The following HMBOX1 variants were observed in gnomAD, a reference collection of about 807,000 sequenced individuals.
The protein encoded by HMBOX1 is homeobox containing 1, also known as homeobox-containing protein 1.
Under a neutral mutation model 54.5 loss-of-function variants are expected in HMBOX1, and 14 were observed. The ratio of observed to expected loss-of-function variants is 0.26; its 90% CI spans 0.17 to 0.40. The LOEUF (loss-of-function observed/expected upper bound fraction) is 0.40, where lower values mean the gene tolerates loss of function less well. Among genes scored for constraint, HMBOX1 ranks in the 10% least tolerant of loss-of-function variants. HMBOX1 has a pLI of 1.00. For synonymous variants in HMBOX1, 160 were observed against 181.0 expected, an observed-to-expected ratio of 0.88 and a Z score of 0.93; for missense variants, 332 against 514.4, an observed-to-expected ratio of 0.65 and a Z score of 3.43.
intron 1 of HMBOX1, among the ~76,000 whole-genome samples, chr8:28,918,056 C>T (rs1221586469): frequency 6.6e-6 from 1 of 152,138 alleles, no homozygotes; most frequent in Non-Finnish European, 1.5e-5. Flanking sequence ...CTGGAAGAGA[C>T]TGAGTAGGAT....
At chr8:28,952,499 G>A (rs1189225296) in intron 1 of HMBOX1, among the ~76,000 whole-genome samples, 1 of 152,180 alleles carries the variant, frequency 6.6e-6, no homozygotes, top group Non-Finnish European at 1.5e-5. Context: ...CTCCCAAAGT[G>A]CTGGGATTAC....
intron 1 of HMBOX1, among the ~76,000 whole-genome samples, chr8:28,933,546 A>C (rs1819863008): frequency 6.6e-6 from 1 of 152,338 alleles, no homozygotes; most frequent in South Asian, 2.1e-4. Flanking sequence ...AAATTGATAT[A>C]CCTCTAGGTA....
chr8:29,010,127 A>C, intron 5 of HMBOX1: 1 of 979,992 alleles, frequency 1.0e-6, no homozygotes, highest in East Asian at 1.1e-4. Flanking sequence ...GATGAAACAG[A>C]AAAGAACCTA....
At chr8:28,964,258 G>A (rs1019999169) in intron 2 of HMBOX1, among the ~76,000 whole-genome samples, 1 of 152,060 alleles carries the variant, frequency 6.6e-6, no homozygotes, top group African/African-American at 2.4e-5. Context: ...GTGACAAGCA[G>A]ACTACTGGAA....
chr8:28,962,707 A>C (rs1825815752), intron 1 of HMBOX1, among the ~76,000 whole-genome samples: 1 of 152,162 alleles, frequency 6.6e-6, no homozygotes, highest in East Asian at 1.9e-4. Flanking sequence ...TCTAATCCTC[A>C]AATAACAGCC....
chr8:29,038,528 A>G (rs1392316774), intron 6 of HMBOX1, among the ~76,000 whole-genome samples: 1 of 152,194 alleles, frequency 6.6e-6, no homozygotes, highest in Non-Finnish European at 1.5e-5. Context: ...TCCAATAGCC[A>G]AGTTCTCCTA....
intron 1 of HMBOX1, among the ~76,000 whole-genome samples, chr8:28,937,752 C>T (rs959689235): frequency 3.3e-5 from 5 of 152,038 alleles, no homozygotes; most frequent in African/African-American, 7.2e-5. Flanking sequence ...AAAATGTGAT[C>T]GATCATCAGA....
intron 6 of HMBOX1, among the ~76,000 whole-genome samples, chr8:29,036,486 T>A (rs1247783223): frequency 6.6e-6 from 1 of 152,058 alleles, no homozygotes; most frequent in African/African-American, 2.4e-5. Context: ...TCTCCTCTAC[T>A]CAGGAAAAAA....
At chr8:28,891,488 G>T (rs1322020794) in intron 1 of HMBOX1, 2 of 152,264 alleles carry the variant, frequency 1.3e-5, no homozygotes, top group Non-Finnish European at 2.9e-5. Context: ...CGAAACAGTA[G>T]GTAGAGGTAT....
intron 6 of HMBOX1, among the ~76,000 whole-genome samples, chr8:29,032,829 C>A (rs769297520): frequency 1.2e-3 from 180 of 152,206 alleles, no homozygotes; most frequent in Non-Finnish European, 2.1e-3. Flanking sequence ...CTCTTTCCCC[C>A]ACCGTACATG....
At chr8:28,933,981 A>G (rs2131935996) in intron 1 of HMBOX1, among the ~76,000 whole-genome samples, 1 of 152,360 alleles carries the variant, frequency 6.6e-6, no homozygotes, top group South Asian at 2.1e-4. Flanking sequence ...TGAGGCCAGC[A>G]TTACTAGAAT....
At chr8:28,972,269 G>A (rs183321700) in intron 3 of HMBOX1, among the ~76,000 whole-genome samples, 1 of 152,192 alleles carries the variant, frequency 6.6e-6, no homozygotes, top group Non-Finnish European at 1.5e-5. Flanking sequence ...ATGAAGTGCA[G>A]TGGTGCGATC....
At chr8:28,973,637 G>A (rs1827822140) in intron 3 of HMBOX1, among the ~76,000 whole-genome samples, 1 of 151,832 alleles carries the variant, frequency 6.6e-6, no homozygotes, top group African/African-American at 2.4e-5. Flanking sequence ...GTCTCTGGTG[G>A]GGGAGCCTGG....
chr8:28,929,862 CA>C (rs1819173896), intron 1 of HMBOX1, among the ~76,000 whole-genome samples: 1 of 152,130 alleles, frequency 6.6e-6, no homozygotes, highest in East Asian at 1.9e-4. Context: ...AATTCAGTAG[CA>C]TTTAGTGTGT....
chr8:29,023,794 G>T (rs1241694074), intron 6 of HMBOX1, among the ~76,000 whole-genome samples: 1 of 152,126 alleles, frequency 6.6e-6, no homozygotes, highest in Admixed American at 6.6e-5. Context: ...CTACCTAATA[G>T]TTTTAGAGCA....
At chr8:29,008,791 T>C (rs146399394) in intron 4 of HMBOX1, among the ~76,000 whole-genome samples, 6 of 152,358 alleles carry the variant, frequency 3.9e-5, no homozygotes, top group Admixed American at 6.5e-5. Context: ...AGGAATCTCT[T>C]TATCTCAGAT....
At chr8:28,961,278 A>G (rs1035128573) in intron 1 of HMBOX1, among the ~76,000 whole-genome samples, 1 of 152,206 alleles carries the variant, frequency 6.6e-6, no homozygotes, top group Non-Finnish European at 1.5e-5. Context: ...CATTAAATAC[A>G]TACAGTATAC....
intron 4 of HMBOX1, among the ~76,000 whole-genome samples, chr8:28,985,502 T>C (rs1012307697): frequency 6.6e-6 from 1 of 152,328 alleles, no homozygotes; most frequent in Admixed American, 6.5e-5. Context: ...TCAAATTCTA[T>C]TCTGTTTTTA....
intron 6 of HMBOX1, among the ~76,000 whole-genome samples, chr8:29,028,376 G>C (rs1380686625): frequency 6.6e-6 from 1 of 152,252 alleles, no homozygotes; most frequent in East Asian, 1.9e-4. Flanking sequence ...ATACATCCTG[G>C]GAGAACTAGC....
Sources: gnomAD v4.1 joint callset for allele counts (sites outside exome capture counted in the v4.1 genomes callset) on GRCh38, gnomAD v4.1.1 for gene constraint, MANE v1.5 for transcripts, NCBI Gene and HGNC (gene_info 2026-07-23, HGNC 2026-07-21) for gene names.